The following REPS2 variants were observed in gnomAD, a reference collection of about 807,000 sequenced individuals.
REPS2 encodes ralBP1-associated Eps domain-containing protein 2.
In REPS2, 23 loss-of-function variants were observed where a neutral mutation model predicts 53.6. The observed-to-expected ratio is 0.43, with a 90% CI of 0.31 to 0.61. REPS2 has a LOEUF of 0.61. Among genes scored for constraint, REPS2 ranks in the 20% least tolerant of loss-of-function variants. The pLI is 0.11. For missense variants in REPS2, 446 were observed against 534.9 expected, an observed-to-expected ratio of 0.83 and a Z score of 1.64; for synonymous variants, 238 against 218.6, an observed-to-expected ratio of 1.09 and a Z score of -0.78.
chrX:16,960,874 TATTC>T (rs2060652371), intron 1 of REPS2, among the ~76,000 whole-genome samples: 1 of 111,868 alleles, frequency 8.9e-6, no homozygotes, highest in African/African-American at 3.2e-5. Flanking sequence ...AATAATAAAA[TATTC>T]AGGAATACAT....
intron 12 of REPS2, chrX:17,074,383 C>T (rs963969714): frequency 4.1e-5 from 14 of 344,057 alleles, no homozygotes; most frequent in African/African-American, 2.7e-4. Context: ...GAATGCCCTA[C>T]GGCCCCTCAA....
chrX:17,061,397 C>G (rs957693759), intron 8 of REPS2, among the ~76,000 whole-genome samples: 3 of 112,212 alleles, frequency 2.7e-5, no homozygotes, highest in African/African-American at 9.7e-5. Context: ...GCCTTGGCCT[C>G]CCAAAGTGCT....
At chrX:16,974,307 C>T (rs1011129375) in intron 1 of REPS2, among the ~76,000 whole-genome samples, 1 of 111,023 alleles carries the variant, frequency 9.0e-6, no homozygotes, top group East Asian at 2.8e-4. Context: ...TTCATGACAT[C>T]GACATTTTGA....
At chrX:16,947,219 C>A in intron 1 of REPS2, 85 bp downstream of exon 1, 3 of 931,501 alleles carry the variant, frequency 3.2e-6, no homozygotes, top group African/African-American at 2.1e-5. Flanking sequence ...ACAGGGCTGC[C>A]CCCAGGGACC....
chrX:17,130,036 T>C lies in REPS2; in HGVS notation c.1579-3788T>C, dbSNP rs1161899517. Among the ~76,000 whole-genome samples the C allele has an allele frequency of 7.1e-5, 8 of 112,402 alleles. No individual in the cohort carries two copies. In the East Asian group the frequency reaches 2.2e-3, roughly 32 times the overall value. ...ACCTTCCAAGCAATAGATTTCTAGG[T>C]AAAAGGCAAGAAGGGGCCTCAGGTT... On this transcript the variant is annotated intron_variant, in intron 14 of 17. Transcript: ENST00000357277.
the REPS2 span, among the ~76,000 whole-genome samples, chrX:17,174,708 C>T: frequency 8.9e-6 from 1 of 112,726 alleles, no homozygotes; most frequent in African/African-American, 3.2e-5. Flanking sequence ...CTGTTTTACC[C>T]TCCGGTGTGG....
intron 8 of REPS2, among the ~76,000 whole-genome samples, chrX:17,060,537 G>C (rs2062145426): frequency 9.0e-6 from 1 of 110,817 alleles, no homozygotes; most frequent in Non-Finnish European, 1.9e-5. Flanking sequence ...TACAGGTGCA[G>C]CAAGAGGGTG....
At chrX:16,959,263 C>T (rs1318493424) in intron 1 of REPS2, among the ~76,000 whole-genome samples, 1 of 111,910 alleles carries the variant, frequency 8.9e-6, no homozygotes, top group Non-Finnish European at 1.9e-5. Context: ...CTATGCTCGG[C>T]TGATTTTTAA....
At chrX:17,052,952 C>T (rs1329961307) in intron 7 of REPS2, among the ~76,000 whole-genome samples, 2 of 111,449 alleles carry the variant, frequency 1.8e-5, no homozygotes, top group East Asian at 2.8e-4. Context: ...CTAATTCAGA[C>T]TTGCAGCTGT....
intron 14 of REPS2, among the ~76,000 whole-genome samples, chrX:17,120,220 A>G (rs1159653769): frequency 9.0e-6 from 1 of 111,284 alleles, no homozygotes; most frequent in Non-Finnish European, 1.9e-5. Flanking sequence ...TCAGGGGAGG[A>G]GCAGATGTGG....
intron 2 of REPS2, among the ~76,000 whole-genome samples, chrX:17,018,749 A>C (rs1056411894): frequency 9.1e-6 from 1 of 109,899 alleles, no homozygotes; most frequent in Admixed American, 9.8e-5. Context: ...GCTCAATGTC[A>C]CTTGCCATTT....
At chrX:17,126,295 A>C (rs1016971586) in intron 14 of REPS2, among the ~76,000 whole-genome samples, 14 of 111,049 alleles carry the variant, frequency 1.3e-4, no homozygotes, top group Admixed American at 9.6e-4. Context: ...AGGGGAGTGC[A>C]ACAGGGGCCC....
chrX:17,115,904 A>T (rs995892009), intron 14 of REPS2, among the ~76,000 whole-genome samples: 4 of 111,950 alleles, frequency 3.6e-5, no homozygotes, highest in Non-Finnish European at 5.6e-5. Context: ...GTACAGAACA[A>T]AATGGAGTCT....
chrX:17,016,021 C>T (rs2061488424), intron 2 of REPS2, among the ~76,000 whole-genome samples: 1 of 111,715 alleles, frequency 9.0e-6, no homozygotes, highest in East Asian at 2.8e-4. Context: ...AGTTTACAGT[C>T]CCACCAACAG....
chrX:17,122,123 A>G (rs1183053773), intron 14 of REPS2, among the ~76,000 whole-genome samples: 1 of 111,128 alleles, frequency 9.0e-6, no homozygotes, highest in Non-Finnish European at 1.9e-5. Flanking sequence ...CTCAATTTTC[A>G]CAAGCAGAAC....
the REPS2 span, among the ~76,000 whole-genome samples, chrX:17,190,747 TG>T: frequency 8.9e-6 from 1 of 112,216 alleles, no homozygotes; most frequent in Non-Finnish European, 1.9e-5. Context: ...ATCAACATAG[TG>T]TGGTATTGGT....
chrX:17,117,622 G>T (rs1055187812), intron 14 of REPS2, among the ~76,000 whole-genome samples: 2 of 110,669 alleles, frequency 1.8e-5, no homozygotes, highest in African/African-American at 6.6e-5. Context: ...TTTTATGGCT[G>T]CATAGTATTC....
chrX:17,025,552 C>T (rs1357933462), intron 4 of REPS2, among the ~76,000 whole-genome samples: 2 of 111,805 alleles, frequency 1.8e-5, no homozygotes, highest in Non-Finnish European at 3.8e-5. Flanking sequence ...ATAGTAACTG[C>T]TTTAATGAAA....
chrX:17,117,648 C>T (rs1316722513), intron 14 of REPS2, among the ~76,000 whole-genome samples: 3 of 109,950 alleles, frequency 2.7e-5, no homozygotes, highest in Non-Finnish European at 5.7e-5. Flanking sequence ...TGTATATGTG[C>T]CACATTTTCT....
Sources: gnomAD v4.1 joint callset for allele counts (sites outside exome capture counted in the v4.1 genomes callset) on GRCh38, gnomAD v4.1.1 for gene constraint, MANE v1.5 for transcripts, NCBI Gene and HGNC (gene_info 2026-07-23, HGNC 2026-07-21) for gene names.